The following MED12 variants were observed in gnomAD, a reference collection of about 807,000 sequenced individuals.
MED12 encodes the protein mediator of RNA polymerase II transcription subunit 12.
A neutral mutation model predicts 177.7 loss-of-function variants in MED12; 10 were observed. That is an observed-to-expected ratio of 0.06 (90% confidence interval 0.03 to 0.10). MED12 has a LOEUF of 0.10. MED12 is among the 10% of genes least tolerant of loss of function. The pLI is 1.00. For synonymous variants in MED12, 641 were observed against 678.4 expected (o/e 0.94, Z 0.86); for missense variants, 867 against 1,780.8 (o/e 0.49, Z 9.23).
intron 34 of MED12, 104 bp from the exon 35 acceptor site, chrX:71,134,609 G>C (rs1304453135): frequency 2.7e-6 from 3 of 1,098,084 alleles, no homozygotes; most frequent in Non-Finnish European, 3.8e-6. Context: ...TGGTGCCCTT[G>C]GGATGACATA....
Position 71,119,383 on chromosome X carries a change from C to A in MED12, c.110C>A (p.Thr37Lys). 1 of 1,193,328 alleles carries A rather than the reference C, an allele frequency of 8.4e-7. No homozygotes were observed. The highest frequency in any genetic ancestry group is 1.1e-6 in the Non-Finnish European group (1 of 884,391). ...GCTTTCCTGCCTCAGGATGAACTGA[C>A]GGCCTTGAATGTAAAACAAGGTTTC... ...QDPKQKEDEL[T>K]ALNVKQGFNN... The change falls in exon 2 of 45, where the codon ACG (threonine) becomes AAG (lysine). Residue 37 changes from threonine (T) to lysine (K), a missense_variant. This residue lies in a region of MED12 where 42 missense variants were observed against 129.6 expected (regional missense o/e 0.32). Transcript: ENST00000374080.
In MED12 at chrX:71,129,658, A is replaced by C. The variant is rs73539607; in HGVS notation, c.3692-22A>C. The C allele has an allele frequency of 2.7e-3, 3,181 of 1,170,371 alleles. 60 individuals are homozygous for C. The African/African-American group carries it at 0.051, about 19-fold the overall frequency. On this transcript the variant is annotated intron_variant, in intron 26 of 44. Coordinates refer to ENST00000374080, the MANE Select transcript of MED12 (RefSeq NM_005120.3). ...GTTCCAATCTCACTCTGCCCTCCCT[A>C]TCTCCCACCCGTGAACCACAGGGGA...
chrX:71,139,708 G>A (rs2092341729), intron 41 of MED12, among the ~76,000 whole-genome samples: 1 of 110,823 alleles, frequency 9.0e-6, no homozygotes, highest in South Asian at 3.9e-4. Context: ...AGACCAGCCT[G>A]GTCAACATGG....
chrX:71,135,412 A>G (rs1393519257), intron 36 of MED12, among the ~76,000 whole-genome samples, 159 bp downstream of exon 36: 2 of 109,545 alleles, frequency 1.8e-5, no homozygotes, highest in Non-Finnish European at 3.8e-5. Flanking sequence ...AAATCACTTA[A>G]CTTTCCTTAC....
Position 71,121,478 on chromosome X carries a change from C to CT in MED12, c.846+42dup, listed in dbSNP as rs761753527. 9 of 1,209,197 alleles carry CT rather than the reference C, an allele frequency of 7.4e-6. No homozygotes were observed. In the East Asian group the frequency reaches 2.4e-4, roughly 32 times the overall value. The stretch of plus-strand genomic sequence containing the variant: ...TTGGTACTGGTGGGGCAGGGGGAGT[C>CT]TAAGAAGAATTTGAGGAAGAATAAA... On this transcript the variant is annotated intron_variant, in intron 6 of 44. Transcript: ENST00000374080.
Position 71,129,311 on chromosome X carries a change from C to T in MED12, c.3578-5C>T, listed in dbSNP as rs925503814. ...TGCTTCCCCTGACTTCATCGCCTTC[C>T]CCAGACAAGCCTACAGTAGGAATCC... On this transcript the variant is annotated splice_polypyrimidine_tract_variant and splice_region_variant and intron_variant, in intron 25 of 44. Transcript: ENST00000374080. 2 of 1,195,684 alleles carry T rather than the reference C, an allele frequency of 1.7e-6. No individual in the cohort carries two copies. Among genetic ancestry groups the T allele is most frequent in the Admixed American group, 4.3e-5 (2 of 46,001 alleles).
chrX:71,136,966 A>C lies in MED12; in HGVS notation c.5488A>C (p.Thr1830Pro), dbSNP rs752152022. ...GCACCACCCAAACCCTGGTTCTATAACACACCTTAACTACAGGCAAGGCTC... is the reference window on the plus strand; with the variant it reads ...GCACCACCCAAACCCTGGTTCTATACCACACCTTAACTACAGGCAAGGCTC... ...LLHHPNPGSI[T>P]HLNYRQGSIG... is the part of the protein sequence containing the mutation. The change falls in exon 38 of 45, where the codon ACA becomes CCA. Residue 1830 changes from threonine (T) to proline (P), a missense_variant. This residue lies in a region of MED12 where 236 missense variants were observed against 345.2 expected (regional missense o/e 0.68). Coordinates refer to ENST00000374080, the MANE Select transcript of MED12 (RefSeq NM_005120.3). 8.3e-7 allele frequency: 1 copy of C among 1,208,497 alleles called. No individual in the cohort carries two copies. The highest frequency in any genetic ancestry group is 1.8e-5 in the South Asian group (1 of 56,649).
rs753370104 is a variant in MED12, at chrX:71,140,761, G to GCAGCAA, written c.6183_6188dup (p.Gln2075_Gln2076dup). ...CTGAGCAGCAGCAGCAGCAGCAACAGCAGCAACAGCAACAGCAGCAGCAGC... is the reference window on the plus strand; with the variant it reads ...CTGAGCAGCAGCAGCAGCAGCAACAGCAGCAACAGCAACAGCAACAGCAGCAGCAGC... On this transcript the variant is annotated inframe_insertion, in exon 42 of 45. Coordinates refer to ENST00000374080, the MANE Select transcript of MED12 (RefSeq NM_005120.3). 40 of 1,207,932 alleles carry GCAGCAA rather than the reference G, an allele frequency of 3.3e-5. No individual in the cohort carries two copies. In the African/African-American group the frequency reaches 5.3e-4, roughly 16 times the overall value.
Position 71,137,941 on chromosome X carries a change from A to C in MED12, c.6042A>C (p.Gln2014His). ...ATGGACATGGACTGACCTCCACTCA[A>C]AGGTACCCAAAGTAGTGGTGAGCTA... ...PTYGHGLTSTQRFSHQTLQQT... is the reference protein window; with the variant it reads ...PTYGHGLTSTHRFSHQTLQQT... Residue 2014 changes from glutamine to histidine, a missense_variant and splice_region_variant, in exon 41 of 45, where the codon CAA (glutamine) becomes CAC (histidine). By Grantham distance (24) the Gln-to-His change is conservative. Transcript: ENST00000374080. The C allele has an allele frequency of 8.3e-7, 1 of 1,207,422 alleles. No homozygotes were observed. The highest frequency in any genetic ancestry group is 1.1e-6 in the Non-Finnish European group (1 of 891,733).
chrX:71,136,231 TTC>T (rs754656681), intron 36 of MED12, 48 bp from the exon 37 acceptor site: 1 of 1,203,576 alleles, frequency 8.3e-7, no homozygotes, highest in East Asian at 3.0e-5. Flanking sequence ...GCTTGCAGTC[TTC>T]TGTTTTCTAA....
Position 71,125,297 on chromosome X carries a change from C to G in MED12, c.2227-54C>G, listed in dbSNP as rs754494039. On this transcript the variant is annotated intron_variant, in intron 15 of 44. Coordinates refer to ENST00000374080, the MANE Select transcript of MED12 (RefSeq NM_005120.3). ...TGCTGAGGGGTGTGGAGCATGCTTT[C>G]AAGAGGAGGGAAGGAGATCGGTGCT... The G allele has an allele frequency of 8.5e-5, 102 of 1,205,433 alleles. No homozygotes were observed. In the African/African-American group the frequency reaches 1.7e-3, roughly 20 times the overall value.
At position 71,136,556 on chromosome X, in the gene MED12, C is replaced by G. The variant is rs1381304769; in HGVS notation, c.5301C>G (p.Pro1767=). 9 of 1,195,315 alleles carry G rather than the reference C, an allele frequency of 7.5e-6. No individual in the cohort carries two copies. The African/African-American group carries it at 1.4e-4, about 19-fold the overall frequency. Residue 1767 remains proline, a synonymous_variant, in exon 37 of 45, where the codon CCC becomes CCG. Coordinates refer to ENST00000374080, the MANE Select transcript of MED12 (RefSeq NM_005120.3). ...CTGAGAAAAAGGCTCCAGAGCCCCC[C>G]AAAACTGACAAACCGGGGGCTGCTC... ...LEPEKKAPEP[P]KTDKPGAAPP...
In MED12 at chrX:71,136,518, A is replaced by G. The variant is rs1318779406; in HGVS notation, c.5263A>G (p.Thr1755Ala). The G allele has an allele frequency of 3.3e-6, 4 of 1,197,734 alleles. No homozygotes were observed. The highest frequency in any genetic ancestry group is 4.5e-6 in the Non-Finnish European group (4 of 889,351). The change falls in exon 37 of 45, where the codon ACC (threonine) becomes GCC (alanine). Residue 1755 changes from threonine to alanine, a missense_variant. Coordinates refer to ENST00000374080, the MANE Select transcript of MED12 (RefSeq NM_005120.3). ...AGAAGATGAGGAGCCGCCTGCTCCT[A>G]CCCTGCTAGAGCCTGAGAAAAAGGC... is the stretch of plus-strand genomic sequence containing the variant. ...PPEDEEPPAPTLLEPEKKAPE... is the reference protein window; with the variant it reads ...PPEDEEPPAPALLEPEKKAPE...
chrX:71,122,434 ATTC>A (rs2092291677), intron 8 of MED12, 71 bp from the exon 9 acceptor site: 1 of 1,187,164 alleles, frequency 8.4e-7, no homozygotes. Context: ...GTCTAGTACT[ATTC>A]TTCTAGCCTG....
At position 71,132,693 on chromosome X, in the gene MED12, G is replaced by C. The variant is rs1383342734; in HGVS notation, c.4416-152G>C. The C allele has an allele frequency of 2.8e-5, 24 of 842,303 alleles. No individual in the cohort carries two copies. The African/African-American group carries it at 4.9e-4, about 17-fold the overall frequency. 69.4% of individuals were successfully genotyped at this position (842,303 alleles called of 1,213,427 possible). ...GGCTGAGCAAGAGGCTAGATCTTAA[G>C]AGAGTAGTCTGGAGAATGAGGTTGG... On this transcript the variant is annotated intron_variant, in intron 31 of 44. Transcript: ENST00000374080.
chrX:71,122,149 A>C, intron 7 of MED12, 51 bp from the exon 8 acceptor site: 1 of 1,202,235 alleles, frequency 8.3e-7, no homozygotes. Flanking sequence ...ATGGGATTCC[A>C]GAGGGGTAAC....
chrX:71,133,139 G>T lies in MED12; in HGVS notation c.4544G>T (p.Arg1515Leu). 8.3e-7 allele frequency: 1 copy of T among 1,197,788 alleles called. No individual in the cohort carries two copies. The highest frequency in any genetic ancestry group is 1.1e-6 in the Non-Finnish European group (1 of 882,932). The change falls in exon 33 of 45, where the codon CGA becomes CTA. Residue 1515 changes from arginine (R) to leucine (L), a missense_variant. By Grantham distance (102) the Arg-to-Leu change is moderately radical (BLOSUM62 -2). This residue lies in a region of MED12 where 34 missense variants were observed against 58.9 expected (regional missense o/e 0.58). Coordinates refer to ENST00000374080, the MANE Select transcript of MED12 (RefSeq NM_005120.3). The stretch of plus-strand genomic sequence containing the variant: ...CTATTCTAGATTGTGAATAATTGGC[G>T]AGATGACCAGTACTTAGATGATTGC... Reference protein sequence around the residue: ...SQVHQIVNNWRDDQYLDDCKP... With the variant: ...SQVHQIVNNWLDDQYLDDCKP...
Position 71,122,328 on chromosome X carries a change from C to T in MED12, c.1230C>T (p.Asn410=). The change falls in exon 8 of 45, where the codon AAC becomes AAT. Residue 410 remains asparagine, a synonymous_variant. Coordinates refer to ENST00000374080, the MANE Select transcript of MED12 (RefSeq NM_005120.3). ...CCAACCTGCCCATGCCAGAGGGTAA[C>T]AGTGCCTTCACTCAGCAGGTATGTC... The part of the protein sequence containing the change: ...APSNLPMPEG[N]SAFTQQVRAK... 8.3e-7 allele frequency: 1 copy of T among 1,212,025 alleles called. No homozygotes were observed. The highest frequency in any genetic ancestry group is 1.1e-6 in the Non-Finnish European group (1 of 895,518).
rs755740205 is a variant in MED12 at position 71,132,725 on chromosome X, A to T, written c.4416-120A>T. Reference sequence around the variant, plus strand: ...GTCTGGAGAATGAGGTTGGAAGTTGACTCCCAACCCACAGTCTCCCTTTTC... The same window carrying T: ...GTCTGGAGAATGAGGTTGGAAGTTGTCTCCCAACCCACAGTCTCCCTTTTC... On this transcript the variant is annotated intron_variant, in intron 31 of 44. Coordinates refer to ENST00000374080, the MANE Select transcript of MED12 (RefSeq NM_005120.3). The T allele has an allele frequency of 1.1e-5, 9 of 848,875 alleles. No individual in the cohort carries two copies. The South Asian group carries it at 2.1e-4, about 20-fold the overall frequency. 70.0% of individuals were successfully genotyped at this position (848,875 alleles called of 1,213,427 possible).
Sources: allele counts gnomAD v4.1 joint callset (sites outside exome capture counted in the v4.1 genomes callset), GRCh38; gene constraint gnomAD v4.1.1; regional missense constraint gnomAD v4.1.1; transcripts MANE v1.5; gene names NCBI Gene and HGNC (gene_info 2026-07-23, HGNC 2026-07-21).